The following KCNIP4 variants were observed in gnomAD, a reference collection of about 807,000 sequenced individuals.
The protein encoded by KCNIP4 is Kv channel-interacting protein 4.
Under a neutral mutation model 34.0 loss-of-function variants are expected in KCNIP4, and 12 were observed. That is an observed-to-expected ratio of 0.35 (90% CI 0.23 to 0.57). The LOEUF (loss-of-function observed/expected upper bound fraction) is 0.57. Among genes scored for constraint, KCNIP4 ranks in the 20% least tolerant of loss-of-function variants. The probability of loss-of-function intolerance (pLI) is 0.83; values close to 1 mark genes in which losing one functional copy is unlikely to be tolerated. For missense variants in KCNIP4, 238 were observed against 311.7 expected, an observed-to-expected ratio of 0.76 and a Z score of 1.78; for synonymous variants, 124 against 102.2, an observed-to-expected ratio of 1.21 and a Z score of -1.29.
At chr4:21,345,015 G>A (rs188718909) in intron 1 of KCNIP4, among the ~76,000 whole-genome samples, 1 of 152,286 alleles carries the variant, frequency 6.6e-6, no homozygotes, top group East Asian at 1.9e-4. Context: ...TTCCAGTGGT[G>A]GAGTTTACTT....
At chr4:21,307,481 A>G (rs946476890) in intron 1 of KCNIP4, among the ~76,000 whole-genome samples, 2 of 152,122 alleles carry the variant, frequency 1.3e-5, no homozygotes, top group African/African-American at 2.4e-5. Context: ...ACCACCTGGC[A>G]TGTATATTTG....
intron 1 of KCNIP4, among the ~76,000 whole-genome samples, chr4:21,644,756 T>G (rs1205729838): frequency 6.6e-6 from 1 of 152,182 alleles, no homozygotes. Flanking sequence ...TCATTTCATT[T>G]TGGCCCTTAA....
At chr4:21,439,217 T>C (rs1727230663) in intron 1 of KCNIP4, among the ~76,000 whole-genome samples, 1 of 151,756 alleles carries the variant, frequency 6.6e-6, no homozygotes, top group East Asian at 1.9e-4. Flanking sequence ...GGTCCTTGTC[T>C]GGCCATCACC....
chr4:20,810,984 C>A (rs939458279), intron 3 of KCNIP4, among the ~76,000 whole-genome samples: 2 of 152,094 alleles, frequency 1.3e-5, no homozygotes, highest in Non-Finnish European at 2.9e-5. Flanking sequence ...AGGAAATGAA[C>A]TCAGCATATG....
chr4:21,013,966 G>T (rs192463761), intron 1 of KCNIP4, among the ~76,000 whole-genome samples: 1 of 152,156 alleles, frequency 6.6e-6, no homozygotes, highest in Non-Finnish European at 1.5e-5. Flanking sequence ...AGCCTTCACA[G>T]AATCCTTCTT....
intron 1 of KCNIP4, among the ~76,000 whole-genome samples, chr4:21,035,925 G>T (rs1213750658): frequency 1.3e-5 from 2 of 152,156 alleles, no homozygotes; most frequent in African/African-American, 4.8e-5. Context: ...TAGCCAGATT[G>T]ATTAGTTGAG....
At chr4:21,782,458 C>CT (rs1719631305) in intron 1 of KCNIP4, among the ~76,000 whole-genome samples, 2 of 152,170 alleles carry the variant, frequency 1.3e-5, no homozygotes, top group South Asian at 4.1e-4. Flanking sequence ...CTTTGGGAGG[C>CT]TGAGACAGGA....
At chr4:21,489,808 C>A (rs1732225387) in intron 1 of KCNIP4, among the ~76,000 whole-genome samples, 1 of 152,002 alleles carries the variant, frequency 6.6e-6, no homozygotes. Context: ...AGTCTTTAAT[C>A]CCAAACTGTT....
At chr4:21,802,706 T>A (rs1428732718) in intron 1 of KCNIP4, among the ~76,000 whole-genome samples, 2 of 152,096 alleles carry the variant, frequency 1.3e-5, no homozygotes, top group African/African-American at 4.8e-5. Flanking sequence ...AGGAAAATAA[T>A]GGTTGAGTGG....
At chr4:20,956,621 A>C (rs1185125156) in intron 1 of KCNIP4, among the ~76,000 whole-genome samples, 1 of 152,244 alleles carries the variant, frequency 6.6e-6, no homozygotes, top group Non-Finnish European at 1.5e-5. Context: ...AGAATAAAAC[A>C]ATAGATTAAA....
chr4:20,859,066 G>A (rs1490919433), intron 2 of KCNIP4, among the ~76,000 whole-genome samples: 2 of 152,136 alleles, frequency 1.3e-5, no homozygotes, highest in Non-Finnish European at 2.9e-5. Flanking sequence ...GCTGGCTGCT[G>A]AGCCTCCAAT....
intron 1 of KCNIP4, among the ~76,000 whole-genome samples, chr4:21,109,075 C>A (rs541813109): frequency 6.6e-5 from 10 of 152,286 alleles, no homozygotes; most frequent in African/African-American, 2.4e-4. Context: ...AGGAGGCAGT[C>A]TGCCCGTTCT....
At chr4:20,742,185 A>G (rs973721785) in intron 5 of KCNIP4, among the ~76,000 whole-genome samples, 11 of 152,212 alleles carry the variant, frequency 7.2e-5, no homozygotes, top group African/African-American at 2.7e-4. Context: ...ATTCCAATCA[A>G]CAGAAAAAGA....
At chr4:21,281,073 AG>A (rs1188594761) in intron 1 of KCNIP4, among the ~76,000 whole-genome samples, 1 of 151,446 alleles carries the variant, frequency 6.6e-6, no homozygotes, top group African/African-American at 2.4e-5. Flanking sequence ...TAACAAAAAA[AG>A]TTACATTTTC....
intron 1 of KCNIP4, among the ~76,000 whole-genome samples, chr4:21,188,787 C>T (rs1429232695): frequency 2.0e-5 from 3 of 152,136 alleles, no homozygotes; most frequent in African/African-American, 7.2e-5. Context: ...ATTACTAATA[C>T]AAGTATTTGT....
chr4:20,752,170 T>C (rs886907496), intron 4 of KCNIP4, among the ~76,000 whole-genome samples: 2 of 149,214 alleles, frequency 1.3e-5, no homozygotes, highest in Admixed American at 1.3e-4. Flanking sequence ...GCGATTCTCC[T>C]GCCTCAGCCT....
At chr4:21,108,676 G>C (rs1560729130) in intron 1 of KCNIP4, among the ~76,000 whole-genome samples, 1 of 151,688 alleles carries the variant, frequency 6.6e-6, no homozygotes, top group East Asian at 1.9e-4. Flanking sequence ...GAGGCACTCT[G>C]CTTTTTAGAG....
chr4:21,218,945 T>G (rs550146076), intron 1 of KCNIP4, among the ~76,000 whole-genome samples: 1 of 152,150 alleles, frequency 6.6e-6, no homozygotes, highest in Non-Finnish European at 1.5e-5. Flanking sequence ...GAGATGGCTA[T>G]TGCAAATCTT....
intron 1 of KCNIP4, among the ~76,000 whole-genome samples, chr4:21,760,788 C>A (rs1717996608): frequency 6.6e-6 from 1 of 152,114 alleles, no homozygotes; most frequent in South Asian, 2.1e-4. Context: ...AGGGTAGCCA[C>A]AGAATGGTCA....
Sources: allele counts gnomAD v4.1 joint callset (sites outside exome capture counted in the v4.1 genomes callset), GRCh38; gene constraint gnomAD v4.1.1; transcripts MANE v1.5; gene names NCBI Gene and HGNC (gene_info 2026-07-23, HGNC 2026-07-21).